The following TKFC variants were observed in gnomAD, a reference collection of about 807,000 sequenced individuals.
TKFC encodes the protein triokinase/FMN cyclase.
TKFC carries 46 observed loss-of-function variants against 61.0 expected under a neutral mutation model. The observed-to-expected ratio is 0.75, with a 90% confidence interval of 0.60 to 0.96. The LOEUF (loss-of-function observed/expected upper bound fraction) is 0.96, where lower values mean the gene tolerates loss of function less well. Among genes scored for constraint, TKFC ranks in the 50% least tolerant of loss-of-function variants. TKFC has a pLI of 0.00. For missense variants in TKFC, 715 were observed against 777.5 expected (o/e 0.92, Z 0.96); for synonymous variants, 314 against 330.1 (o/e 0.95, Z 0.53).
chr11:61,347,118 T>C lies in TKFC; in HGVS notation c.*615T>C. 1 of 985,382 alleles carries C rather than the reference T, an allele frequency of 1.0e-6. No homozygotes were observed. Among genetic ancestry groups the C allele is most frequent in the Non-Finnish European group, 1.2e-6 (1 of 829,958 alleles). 61.0% of individuals were successfully genotyped at this position (985,382 alleles called of 1,614,324 possible). On this transcript the variant is annotated 3_prime_UTR_variant, in exon 18 of 18. Coordinates refer to ENST00000394900, the MANE Select transcript of TKFC (RefSeq NM_015533.4). ...CTTTCCAGTACACACACCTGATGCA[T>C]GTAAGAATGGTAGAGGGGCTTTTCT...
intron 3 of TKFC, 85 bp downstream of exon 3, chr11:61,338,215 G>A: frequency 8.3e-6 from 11 of 1,328,194 alleles, no homozygotes; most frequent in South Asian, 4.6e-5. Context: ...TGAAGTGCAG[G>A]ATGGAGCTCA....
downstream of TKFC, chr11:61,352,822 T>C: frequency 6.9e-7 from 1 of 1,456,490 alleles, no homozygotes; most frequent in African/African-American, 1.4e-5. Flanking sequence ...GACTTACCAA[T>C]TTCAACCTAA....
chr11:61,342,725 T>C, intron 9 of TKFC, 30 bp from the exon 10 acceptor site: 1 of 1,613,598 alleles, frequency 6.2e-7, no homozygotes, highest in Non-Finnish European at 8.5e-7. Flanking sequence ...GCCCAGAGGG[T>C]CTCACCTGGG....
rs372183752 is a variant in TKFC, at chr11:61,334,694, G to C, written c.-35G>C. 1.2e-6 allele frequency: 2 copies of C among 1,613,958 alleles called. No individual in the cohort carries two copies. The highest frequency in any genetic ancestry group is 1.7e-6 in the Non-Finnish European group (2 of 1,179,922). ...CCATCCTCCAGCAGCTCAGTGCAACGGTGTGAACTCAGCCTGTTTCAGAGC... is the reference window on the plus strand; with the variant it reads ...CCATCCTCCAGCAGCTCAGTGCAACCGTGTGAACTCAGCCTGTTTCAGAGC... On this transcript the variant is annotated 5_prime_UTR_variant, in exon 2 of 18. Transcript: ENST00000394900.
intron 2 of TKFC, among the ~76,000 whole-genome samples, chr11:61,337,524 A>C (rs916424031): frequency 6.6e-6 from 1 of 152,184 alleles, no homozygotes; most frequent in African/African-American, 2.4e-5. Context: ...GCGTTGGAGC[A>C]CCAGGGAGCA....
At chr11:61,352,653 T>G (rs1857468546), downstream of TKFC, 1 of 425,304 alleles carries the variant, frequency 2.4e-6, no homozygotes, top group African/African-American at 2.2e-5. Context: ...AGAGTGAGAC[T>G]CCATCTCAAA....
At position 61,343,942 on chromosome 11, in the gene TKFC, C is replaced by A; in HGVS notation, c.1069C>A (p.Pro357Thr). The A allele has an allele frequency of 3.7e-6, 6 of 1,611,528 alleles. No homozygotes were observed. Among genetic ancestry groups the A allele is most frequent in the Non-Finnish European group, 5.1e-6 (6 of 1,179,978 alleles). Residue 357 changes from proline to threonine, a missense_variant, in exon 12 of 18, where the codon CCC (proline) becomes ACC (threonine). Pro to Thr is a conservative substitution (Grantham distance 38). Transcript: ENST00000394900. ...RKRSRVAPAE[P>T]QEAPDSTAAG... ...GCGGAGCCGGGTAGCCCCTGCCGAG[C>A]CCCAGGAGGCCCCTGATTCCACTGC...
intron 2 of TKFC, among the ~76,000 whole-genome samples, chr11:61,337,577 A>T (rs1856663638): frequency 6.6e-6 from 1 of 152,154 alleles, no homozygotes; most frequent in Non-Finnish European, 1.5e-5. Context: ...CCAGCATAGG[A>T]GCCTCAGCCT....
chr11:61,341,237 G>A (rs1324075819), intron 5 of TKFC, among the ~76,000 whole-genome samples, 199 bp from the exon 6 acceptor site: 1 of 152,194 alleles, frequency 6.6e-6, no homozygotes, highest in Non-Finnish European at 1.5e-5. Context: ...CAACAGACTG[G>A]AATTCTTGAA....
At chr11:61,341,549 G>A in intron 6 of TKFC, 35 bp downstream of exon 6, 18 of 1,551,154 alleles carry the variant, frequency 1.2e-5, no homozygotes, top group Non-Finnish European at 1.6e-5. Context: ...GAAGAGAGTG[G>A]GGAAGGTTGG....
intron 15 of TKFC, 46 bp from the exon 16 acceptor site, chr11:61,345,666 C>T (rs765837146): frequency 6.2e-7 from 1 of 1,614,130 alleles, no homozygotes; most frequent in South Asian, 1.1e-5. Context: ...AGAGTGATTC[C>T]CTTGGTTCCC....
rs1194564101 is a variant in TKFC, at chr11:61,339,372, C to T, written c.423C>T (p.Ser141=). 15 of 1,613,434 alleles carry T rather than the reference C, an allele frequency of 9.3e-6. No individual in the cohort carries two copies. The highest frequency in any genetic ancestry group is 5.3e-5 in the African/African-American group (4 of 74,930). Residue 141 remains serine, a synonymous_variant, in exon 5 of 18, where the codon AGC becomes AGT. Transcript: ENST00000394900. ...PVEMVVIGDD[S]AFTVLKKAGR... is the part of the protein sequence containing the mutation. Reference sequence around the variant, plus strand: ...AGATGGTGGTGATTGGGGACGACAGCGCCTTCACTGTCCTGAAGAAGGCAG... The same window carrying T: ...AGATGGTGGTGATTGGGGACGACAGTGCCTTCACTGTCCTGAAGAAGGCAG...
chr11:61,338,235 C>A, intron 3 of TKFC, 105 bp downstream of exon 3: 1 of 1,157,828 alleles, frequency 8.6e-7, no homozygotes, highest in Non-Finnish European at 1.2e-6. Context: ...AGCCCAGAAT[C>A]AGGAACTGGG....
downstream of TKFC, chr11:61,353,334 C>T: frequency 1.4e-6 from 1 of 706,508 alleles, no homozygotes; most frequent in Non-Finnish European, 2.3e-6. Flanking sequence ...CAGTAAATGA[C>T]ATGCTTAGCT....
At chr11:61,345,209 G>A in intron 13 of TKFC, 51 bp from the exon 14 acceptor site, 2 of 1,442,542 alleles carry the variant, frequency 1.4e-6, no homozygotes, top group South Asian at 1.4e-5. Context: ...TGGAAGTCTG[G>A]CAGATGGAGG....
chr11:61,345,131 G>A (rs1857054967), intron 13 of TKFC, 129 bp from the exon 14 acceptor site: 2 of 777,152 alleles, frequency 2.6e-6, no homozygotes, highest in Non-Finnish European at 4.0e-6. Flanking sequence ...ACTGGATGTG[G>A]AAAGGGATCT....
Position 61,339,424 on chromosome 11 carries a change from C to T in TKFC, c.475C>T (p.Leu159Phe), listed in dbSNP as rs960647340. 4.6e-5 allele frequency: 74 copies of T among 1,607,926 alleles called. No homozygotes were observed. The highest frequency in any genetic ancestry group is 6.1e-5 in the Non-Finnish European group (72 of 1,177,250). Residue 159 changes from leucine (L) to phenylalanine (F), a missense_variant, in exon 5 of 18, where the codon CTT (leucine) becomes TTT (phenylalanine). Leu to Phe is a conservative substitution (Grantham distance 22, BLOSUM62 0). Coordinates refer to ENST00000394900, the MANE Select transcript of TKFC (RefSeq NM_015533.4). ...AGRRGLCGTV[L>F]IHKVAGALAE... ...CCGGCGGGGGCTGTGCGGCACGGTG[C>T]TTATACACAAGGTGGGCTTCCACCG...
downstream of TKFC, chr11:61,352,922 G>A (rs1235468760): frequency 6.2e-7 from 1 of 1,613,004 alleles, no homozygotes; most frequent in East Asian, 2.2e-5. Flanking sequence ...ATCACAGGGT[G>A]TATCTTTTGA....
Position 61,342,443 on chromosome 11 carries a change from G to T in TKFC, c.656-18G>T, listed in dbSNP as rs376023592. 3.7e-6 allele frequency: 6 copies of T among 1,613,894 alleles called. No individual in the cohort carries two copies. Among genetic ancestry groups the T allele is most frequent in the South Asian group, 1.1e-5 (1 of 91,058 alleles). On this transcript the variant is annotated intron_variant, in intron 7 of 17. Transcript: ENST00000394900. The stretch of plus-strand genomic sequence containing the variant: ...CCCAGGCCTTGAGTGGGTCAGCAGT[G>T]ACCACATCTATCCGCAGGGATCCAC...
Sources: allele counts gnomAD v4.1 joint callset (sites outside exome capture counted in the v4.1 genomes callset), GRCh38; gene constraint gnomAD v4.1.1; transcripts MANE v1.5; gene names NCBI Gene and HGNC (gene_info 2026-07-23, HGNC 2026-07-21).